The following NTNG2 variants were observed in gnomAD, a reference collection of about 807,000 sequenced individuals.
NTNG2 encodes the protein netrin-G2.
A neutral mutation model predicts 47.6 loss-of-function variants in NTNG2; 15 were observed. The observed-to-expected ratio is 0.32, with a 90% CI of 0.21 to 0.49. NTNG2 has a LOEUF of 0.49. NTNG2 is among the 20% of genes least tolerant of loss of function. The probability of loss-of-function intolerance (pLI) is 0.99; values close to 1 mark genes in which losing one functional copy is unlikely to be tolerated. For synonymous variants in NTNG2, 307 were observed against 324.6 expected (o/e 0.95, Z 0.58); for missense variants, 578 against 764.6 (o/e 0.76, Z 2.88).
At chr9:132,196,821 C>T (rs548501681) in intron 2 of NTNG2, among the ~76,000 whole-genome samples, 4 of 152,314 alleles carry the variant, frequency 2.6e-5, no homozygotes, top group Admixed American at 6.5e-5. Context: ...ACCACACTGC[C>T]CCCACCTCTG....
Position 132,242,268 on chromosome 9 carries a change from G to A in NTNG2, c.*157G>A, listed in dbSNP as rs553025847. ...CCCCGCCCGGCCCGCGCTCCCGCCC[G>A]CACTGCCCTCCCCCCGCAGCAGGGG... On this transcript the variant is annotated 3_prime_UTR_variant, in exon 8 of 8. Coordinates refer to ENST00000393229, the MANE Select transcript of NTNG2 (RefSeq NM_032536.4). The surrounding 1 kb of genome is among the most constrained non-coding windows in gnomAD (Gnocchi z 5.9). 2 of 203,590 alleles carry A rather than the reference G, an allele frequency of 9.8e-6. No individual in the cohort carries two copies. The highest frequency in any genetic ancestry group is 2.4e-5 in the African/African-American group (1 of 41,760). The allele number at this position is 203,590 out of a possible 1,614,324, so 12.6% of individuals were successfully genotyped here.
intron 2 of NTNG2, among the ~76,000 whole-genome samples, chr9:132,188,172 C>T (rs1002440064): frequency 1.3e-5 from 2 of 152,246 alleles, no homozygotes; most frequent in African/African-American, 2.4e-5. Flanking sequence ...GTGCTCGAGT[C>T]CTGGCCCTCT....
At position 132,182,443 on chromosome 9, in the gene NTNG2, G is replaced by A. The variant is rs1371211385; in HGVS notation, c.213+15399G>A. On this transcript the variant is annotated intron_variant, in intron 2 of 7. Transcript: ENST00000393229. This position sits in a 1 kb window ranked among gnomAD's most constrained non-coding sequence, Gnocchi z 4.2. ...TGGCCGCCTCTCAGCCTAGAGGAGGGGCACTGGAAGGAGGAGGCCCAAGTG... is the reference window on the plus strand; with the variant it reads ...TGGCCGCCTCTCAGCCTAGAGGAGGAGCACTGGAAGGAGGAGGCCCAAGTG... Among the ~76,000 whole-genome samples, 3 of 152,176 alleles carry A rather than the reference G, an allele frequency of 2.0e-5. No individual in the cohort carries two copies. Among genetic ancestry groups the A allele is most frequent in the African/African-American group, 7.2e-5 (3 of 41,440 alleles).
At position 132,221,995 on chromosome 9, in the gene NTNG2, C is replaced by T. The variant is rs967182756; in HGVS notation, c.858-4854C>T. ...TGCGGAGCACAGCCCCGGTTCCGTA[C>T]AGCTGAGGTGTTCCTCTCCAGCCAG... On this transcript the variant is annotated intron_variant, in intron 3 of 7. Coordinates refer to ENST00000393229, the MANE Select transcript of NTNG2 (RefSeq NM_032536.4). This position sits in a 1 kb window ranked among gnomAD's most constrained non-coding sequence, Gnocchi z 4.2. 6.6e-6 allele frequency among the ~76,000 whole-genome samples: 1 copy of T among 152,246 alleles called. No individual in the cohort carries two copies. The highest frequency in any genetic ancestry group is 1.5e-5 in the Non-Finnish European group (1 of 68,042).
chr9:132,166,996 G>A lies in NTNG2; in HGVS notation c.165G>A (p.Glu55=), dbSNP rs758425408. The change falls in exon 2 of 8, where the codon GAG becomes GAA. Residue 55 remains glutamate, a synonymous_variant. Transcript: ENST00000393229. ...AGGACTACGTCAAGGTGAAGGTGGA[G>A]CCCTCAGGCATCACATGTGGAGACC... ...RLKDYVKVKV[E]PSGITCGDPP... The A allele has an allele frequency of 1.2e-6, 2 of 1,614,276 alleles. No homozygotes were observed. Among genetic ancestry groups the A allele is most frequent in the South Asian group, 2.2e-5 (2 of 91,090 alleles).
Position 132,198,598 on chromosome 9 carries a change from G to T in NTNG2, c.846G>T (p.Glu282Asp). Residue 282 changes from glutamate to aspartate, a missense_variant, in exon 3 of 8, where the codon GAG becomes GAT. Coordinates refer to ENST00000393229, the MANE Select transcript of NTNG2 (RefSeq NM_032536.4). The part of the protein sequence containing the change: ...YKYFYAISNI[E>D]VIGRCKCNLH... Reference sequence around the variant, plus strand: ...ACTTCTACGCCATCTCCAACATCGAGGTCATCGGCAGGTAAGGCCGGGGGA... The same window carrying T: ...ACTTCTACGCCATCTCCAACATCGATGTCATCGGCAGGTAAGGCCGGGGGA... 3 of 1,606,340 alleles carry T rather than the reference G, an allele frequency of 1.9e-6. No individual in the cohort carries two copies. Among genetic ancestry groups the T allele is most frequent in the Non-Finnish European group, 2.6e-6 (3 of 1,174,354 alleles).
chr9:132,190,203 A>G (rs11243660), intron 2 of NTNG2, among the ~76,000 whole-genome samples: 60,035 of 136,686 alleles, frequency 0.44, 13,454 homozygotes, highest in East Asian at 0.5. Context: ...ACTGCACTCC[A>G]GACTGGGCGA....
intron 7 of NTNG2, chr9:132,241,574 G>T: frequency 2.5e-6 from 1 of 406,898 alleles, no homozygotes; most frequent in Non-Finnish European, 4.4e-6. Flanking sequence ...GTGAAAGGAG[G>T]CTCCAGGCGC....
Position 132,239,642 on chromosome 9 carries a change from G to T in NTNG2, c.1222+371G>T, listed in dbSNP as rs573849118. 5.1e-4 allele frequency among the ~76,000 whole-genome samples: 77 copies of T among 152,206 alleles called. 1 individual carries two copies. The highest frequency in any genetic ancestry group is 2.6e-3 in the Admixed American group (40 of 15,292). On this transcript the variant is annotated intron_variant, in intron 6 of 7. Transcript: ENST00000393229. Reference sequence around the variant, plus strand: ...AGCATCTGTCTGGGGCTGGTGTGTGGGGGGGTCCCCCTCCATAGCTCCTTT... The same window carrying T: ...AGCATCTGTCTGGGGCTGGTGTGTGTGGGGGTCCCCCTCCATAGCTCCTTT...
intron 3 of NTNG2, among the ~76,000 whole-genome samples, chr9:132,213,502 C>T (rs996853072): frequency 6.6e-6 from 1 of 152,200 alleles, no homozygotes; most frequent in African/African-American, 2.4e-5. Flanking sequence ...AGGGCAGCAT[C>T]ATTCCTCACT....
intron 4 of NTNG2, among the ~76,000 whole-genome samples, chr9:132,228,150 C>A (rs564487047): frequency 1.3e-5 from 2 of 152,384 alleles, no homozygotes; most frequent in East Asian, 3.9e-4. Flanking sequence ...TGGGCAGTGG[C>A]CTCCTGCACC....
chr9:132,239,429 C>T (rs1185256118), intron 6 of NTNG2, among the ~76,000 whole-genome samples, 158 bp downstream of exon 6: 2 of 152,234 alleles, frequency 1.3e-5, no homozygotes, highest in South Asian at 4.1e-4. Context: ...TCTCTAAGGA[C>T]AGAAAGCTCC....
At position 132,230,607 on chromosome 9, in the gene NTNG2, C is replaced by T; in HGVS notation, c.1054+12C>T. 6.2e-7 allele frequency: 1 copy of T among 1,603,090 alleles called. No individual in the cohort carries two copies. The highest frequency in any genetic ancestry group is 1.1e-5 in the South Asian group (1 of 89,116). The stretch of plus-strand genomic sequence containing the variant: ...AGGTTCCTTTGGCAGTAAGTACACG[C>T]CTGGGGAGGGTGGCCAGGGCCCCCA... On this transcript the variant is annotated intron_variant, in intron 5 of 7. Transcript: ENST00000393229.
intron 3 of NTNG2, among the ~76,000 whole-genome samples, chr9:132,216,416 G>C (rs1977549): frequency 0.11 from 3,577 of 31,538 alleles, 216 homozygotes; most frequent in African/African-American, 0.37. Flanking sequence ...CTCTCTCTCT[G>C]TGTGTGTGTG....
chr9:132,201,962 T>C (rs1454751797), intron 3 of NTNG2, among the ~76,000 whole-genome samples: 2 of 152,120 alleles, frequency 1.3e-5, no homozygotes, highest in Non-Finnish European at 2.9e-5. Context: ...AGAAGGAGAT[T>C]GCACAGCGCC....
chr9:132,167,130 G>A, intron 2 of NTNG2, 86 bp downstream of exon 2: 7 of 1,427,146 alleles, frequency 4.9e-6, no homozygotes, highest in Non-Finnish European at 6.8e-6. Flanking sequence ...AGCAGAGCTG[G>A]AGGACTGAGA....
upstream of NTNG2, chr9:132,161,802 C>T (rs989813573): frequency 4.4e-4 from 66 of 151,506 alleles, no homozygotes; most frequent in African/African-American, 1.5e-3. This position sits in a 1 kb window ranked among gnomAD's most constrained non-coding sequence, Gnocchi z 7.2. Flanking sequence ...CCATCTGGCC[C>T]GCGCCGCGCC....
At chr9:132,209,424 G>A (rs960187173) in intron 3 of NTNG2, among the ~76,000 whole-genome samples, 2 of 152,238 alleles carry the variant, frequency 1.3e-5, no homozygotes, top group African/African-American at 4.8e-5. Flanking sequence ...GACGCCCGCC[G>A]TGGGGGCGTG....
chr9:132,230,697 T>C (rs1297420088), intron 5 of NTNG2, 102 bp downstream of exon 5: 2 of 1,267,248 alleles, frequency 1.6e-6, no homozygotes, highest in African/African-American at 3.0e-5. Flanking sequence ...CAGTGTCCCC[T>C]CTGGGACTTG....
Sources: gnomAD v4.1 joint callset for allele counts (sites outside exome capture counted in the v4.1 genomes callset) on GRCh38, gnomAD v4.1.1 for gene constraint, Gnocchi (gnomAD v3.1) non-coding constraint, MANE v1.5 for transcripts, NCBI Gene and HGNC (gene_info 2026-07-23, HGNC 2026-07-21) for gene names.